Variants in ZNF804A observed in about 807,000 individuals in gnomAD.
ZNF804A encodes the protein zinc finger protein 804A.
A neutral mutation model predicts 16.5 loss-of-function variants in ZNF804A; 2 were observed. The ratio of observed to expected loss-of-function variants is 0.12; its 90% CI spans 0.05 to 0.38. The LOEUF (loss-of-function observed/expected upper bound fraction) is 0.38. Among genes scored for constraint, ZNF804A ranks in the 10% least tolerant of loss-of-function variants. The probability of loss-of-function intolerance (pLI) is 0.99; values close to 1 mark genes in which losing one functional copy is unlikely to be tolerated. For missense variants in ZNF804A, 1,473 were observed against 1,390.7 expected (o/e 1.06, Z -0.94); for synonymous variants, 534 against 489.6 (o/e 1.09, Z -1.20).
chr2:184,680,249 C>T (rs1411892472), intron 1 of ZNF804A, among the ~76,000 whole-genome samples: 1 of 152,134 alleles, frequency 6.6e-6, no homozygotes, highest in Non-Finnish European at 1.5e-5. Flanking sequence ...GAGCTACCCA[C>T]TGCGGGTCTC....
chr2:184,625,654 A>G (rs1413005219), intron 1 of ZNF804A, among the ~76,000 whole-genome samples: 1 of 152,182 alleles, frequency 6.6e-6, no homozygotes, highest in Non-Finnish European at 1.5e-5. Flanking sequence ...TATAGTATAA[A>G]GCAGAGTGGG....
At chr2:184,649,042 G>A (rs1265421033) in intron 1 of ZNF804A, among the ~76,000 whole-genome samples, 1 of 151,866 alleles carries the variant, frequency 6.6e-6, no homozygotes, top group African/African-American at 2.4e-5. Context: ...CACAAAGCAA[G>A]TCTCAATAAG....
chr2:184,787,516 C>T (rs1331974485), intron 1 of ZNF804A, among the ~76,000 whole-genome samples: 4 of 127,152 alleles, frequency 3.1e-5, no homozygotes, highest in African/African-American at 1.3e-4. Flanking sequence ...CCACCAACAT[C>T]GGTTGTTTTT....
intron 1 of ZNF804A, among the ~76,000 whole-genome samples, chr2:184,812,936 G>A (rs577209816): frequency 3.3e-5 from 5 of 152,150 alleles, no homozygotes; most frequent in Admixed American, 2.6e-4. Context: ...CAAGGCACCA[G>A]TATTAAAGTC....
chr2:184,715,703 A>G (rs1001427514), intron 1 of ZNF804A, among the ~76,000 whole-genome samples: 1 of 152,098 alleles, frequency 6.6e-6, no homozygotes, highest in Admixed American at 6.6e-5. Context: ...ACCCAGCCAC[A>G]TCCGATACTT....
intron 1 of ZNF804A, among the ~76,000 whole-genome samples, chr2:184,803,258 C>G (rs1368815736): frequency 6.6e-6 from 1 of 152,084 alleles, no homozygotes; most frequent in Non-Finnish European, 1.5e-5. Context: ...ACTTCCTCAT[C>G]TCTTTCAAGT....
At chr2:184,726,948 AT>A (rs1291889021) in intron 1 of ZNF804A, among the ~76,000 whole-genome samples, 1 of 151,756 alleles carries the variant, frequency 6.6e-6, no homozygotes, top group East Asian at 1.9e-4. Flanking sequence ...TAATAGTAAA[AT>A]TTAGAAGTTG....
chr2:184,680,644 A>C (rs546213728), intron 1 of ZNF804A, among the ~76,000 whole-genome samples: 1 of 152,352 alleles, frequency 6.6e-6, no homozygotes, highest in South Asian at 2.1e-4. Flanking sequence ...TCACTCAATA[A>C]AACACCTCTT....
intron 1 of ZNF804A, among the ~76,000 whole-genome samples, chr2:184,787,345 G>A (rs1694464568): frequency 6.6e-6 from 1 of 151,744 alleles, no homozygotes. Flanking sequence ...TTTATATAAT[G>A]GATTCTTTTC....
At chr2:184,718,730 G>A (rs1046798961) in intron 1 of ZNF804A, among the ~76,000 whole-genome samples, 1 of 152,118 alleles carries the variant, frequency 6.6e-6, no homozygotes, top group East Asian at 1.9e-4. Flanking sequence ...GGGTTTTCAT[G>A]GTCTTGGGCA....
intron 1 of ZNF804A, among the ~76,000 whole-genome samples, chr2:184,813,919 A>G (rs1334166052): frequency 6.7e-6 from 1 of 150,014 alleles, no homozygotes; most frequent in East Asian, 2.0e-4. Flanking sequence ...TGCCTTCAGT[A>G]CATGCTTCAG....
intron 1 of ZNF804A, among the ~76,000 whole-genome samples, chr2:184,831,631 A>G (rs190439865): frequency 9.4e-4 from 143 of 152,030 alleles, no homozygotes; most frequent in African/African-American, 3.3e-3. Flanking sequence ...TGCTATGTAT[A>G]TTTAGATTTA....
intron 1 of ZNF804A, among the ~76,000 whole-genome samples, chr2:184,849,289 G>A (rs1220669861): frequency 6.6e-6 from 1 of 152,004 alleles, no homozygotes. Context: ...GTAGCCCCTG[G>A]ACAGGAAGTG....
At chr2:184,745,072 A>G (rs188957324) in intron 1 of ZNF804A, among the ~76,000 whole-genome samples, 2 of 151,934 alleles carry the variant, frequency 1.3e-5, no homozygotes, top group East Asian at 1.9e-4. Flanking sequence ...GGATTGAGTT[A>G]TTATACTTTA....
At chr2:184,894,031 C>T in intron 2 of ZNF804A, among the ~76,000 whole-genome samples, 1 of 152,124 alleles carries the variant, frequency 6.6e-6, no homozygotes, top group East Asian at 1.9e-4. Context: ...ATAAAACCTT[C>T]CAATTTTTTA....
chr2:184,892,340 T>C (rs929787383), intron 2 of ZNF804A, among the ~76,000 whole-genome samples: 1 of 152,080 alleles, frequency 6.6e-6, no homozygotes, highest in Admixed American at 6.6e-5. Context: ...CAGTCAGAGT[T>C]AGAGAAAAAC....
At chr2:184,925,228 T>C (rs1417054080) in intron 2 of ZNF804A, among the ~76,000 whole-genome samples, 1 of 152,042 alleles carries the variant, frequency 6.6e-6, no homozygotes, top group Non-Finnish European at 1.5e-5. Context: ...GTTGGGTGCA[T>C]ATATATTTAC....
chr2:184,601,336 A>G (rs1691041643), intron 1 of ZNF804A, among the ~76,000 whole-genome samples: 1 of 152,030 alleles, frequency 6.6e-6, no homozygotes, highest in Admixed American at 6.5e-5. Flanking sequence ...TACTCACCCC[A>G]AAGTGATTCT....
intron 1 of ZNF804A, among the ~76,000 whole-genome samples, chr2:184,790,704 C>T (rs1390762018): frequency 2.0e-5 from 3 of 151,980 alleles, no homozygotes; most frequent in Admixed American, 6.6e-5. Context: ...CCTAGGTTCA[C>T]GCCATTCTCC....
Sources: allele counts gnomAD v4.1 joint callset (sites outside exome capture counted in the v4.1 genomes callset), GRCh38; gene constraint gnomAD v4.1.1; transcripts MANE v1.5; gene names NCBI Gene and HGNC (gene_info 2026-07-23, HGNC 2026-07-21).